Variants in SHISA6 observed in about 807,000 individuals in gnomAD.
SHISA6 encodes shisa family member 6, also known as protein shisa-6.
A neutral mutation model predicts 47.9 loss-of-function variants in SHISA6; 22 were observed. The ratio of observed to expected loss-of-function variants is 0.46; its 90% CI spans 0.33 to 0.66. The LOEUF (loss-of-function observed/expected upper bound fraction) is 0.66, where lower values mean the gene tolerates loss of function less well. Ranked by LOEUF, SHISA6 falls within the 30% of genes least tolerant of loss-of-function variation. SHISA6 has a pLI of 0.02. For missense variants in SHISA6, 680 were observed against 764.6 expected (o/e 0.89, Z 1.30); for synonymous variants, 388 against 337.8 (o/e 1.15, Z -1.63).
At chr17:11,371,865 C>T (rs1912640403) in intron 2 of SHISA6, among the ~76,000 whole-genome samples, 1 of 151,870 alleles carries the variant, frequency 6.6e-6, no homozygotes, top group African/African-American at 2.4e-5. Context: ...AGGCAAATGC[C>T]TCCCTCCCAT....
At chr17:11,537,729 A>C (rs79755420) in intron 3 of SHISA6, among the ~76,000 whole-genome samples, 2,293 of 152,322 alleles carry the variant, frequency 0.015, 66 homozygotes, top group African/African-American at 0.051. Context: ...TCATTTACTT[A>C]TTTATTAATC....
In SHISA6 at chr17:11,460,334, G is replaced by GA. The variant is rs540102690; in HGVS notation, c.895+80833dup. Among the ~76,000 whole-genome samples, 39 of 151,846 alleles carry GA rather than the reference G, an allele frequency of 2.6e-4. 1 individual carries two copies. The highest frequency in any genetic ancestry group is 4.1e-4 in the Non-Finnish European group (28 of 67,906). The stretch of plus-strand genomic sequence containing the variant: ...AAAAATGATAGACCTGAGTCCAGCA[G>GA]AAAAAAAACAACGATACAAATATCT... On this transcript the variant is annotated intron_variant, in intron 3 of 5. Transcript: ENST00000441885.
chr17:11,466,425 G>C (rs1040750695), intron 3 of SHISA6, among the ~76,000 whole-genome samples: 1 of 152,176 alleles, frequency 6.6e-6, no homozygotes, highest in African/African-American at 2.4e-5. Flanking sequence ...AGGTCCCCCA[G>C]TGGGCCCTTG....
At chr17:11,317,627 T>G (rs906543287) in intron 2 of SHISA6, among the ~76,000 whole-genome samples, 1 of 151,950 alleles carries the variant, frequency 6.6e-6, no homozygotes, top group Admixed American at 6.6e-5. Context: ...TTTTTAAACT[T>G]TGTTTTTGTT....
chr17:11,410,866 G>A (rs559177892), intron 3 of SHISA6, among the ~76,000 whole-genome samples: 9 of 152,270 alleles, frequency 5.9e-5, no homozygotes, highest in Admixed American at 2.0e-4. Context: ...TCATCCAGGC[G>A]GCTCTGTTGC....
At chr17:11,316,967 G>A (rs914246786) in intron 2 of SHISA6, among the ~76,000 whole-genome samples, 45 of 152,124 alleles carry the variant, frequency 3.0e-4, no homozygotes, top group Middle Eastern at 3.4e-3. Flanking sequence ...TATGATTTTG[G>A]CTGTTACTCA....
chr17:11,439,903 C>T (rs1915052648), intron 3 of SHISA6, among the ~76,000 whole-genome samples: 1 of 152,040 alleles, frequency 6.6e-6, no homozygotes, highest in African/African-American at 2.4e-5. Flanking sequence ...GAAGAGAGGA[C>T]ATTCACTCTC....
At chr17:11,276,936 A>G (rs1908923354) in intron 2 of SHISA6, among the ~76,000 whole-genome samples, 1 of 152,178 alleles carries the variant, frequency 6.6e-6, no homozygotes, top group Non-Finnish European at 1.5e-5. Flanking sequence ...TAATATCTAA[A>G]GGAGAGTTCA....
At chr17:11,439,641 C>T (rs1513748) in intron 3 of SHISA6, among the ~76,000 whole-genome samples, 118,418 of 152,096 alleles carry the variant, frequency 0.78, 46,640 homozygotes, top group African/African-American at 0.88. Context: ...ATCTACAAGA[C>T]GGAGACATCA....
intron 3 of SHISA6, among the ~76,000 whole-genome samples, chr17:11,465,894 C>T (rs902102879): frequency 6.6e-6 from 1 of 152,206 alleles, no homozygotes; most frequent in Non-Finnish European, 1.5e-5. Context: ...AGAATAGAGA[C>T]TCAGTAGAGA....
In SHISA6 at chr17:11,334,560, A is replaced by G. The variant is rs375284392; in HGVS notation, c.800-44854A>G. Among the ~76,000 whole-genome samples, 79 of 152,302 alleles carry G rather than the reference A, an allele frequency of 5.2e-4. 1 individual carries two copies. In the South Asian group the frequency reaches 0.016, roughly 31 times the overall value. ...AGGAGAGCGCTAGACATGCATGTCC[A>G]GGTTTTAGGTTTGATGCCAAAGCCA... On this transcript the variant is annotated intron_variant, in intron 2 of 5. Coordinates refer to ENST00000441885, the MANE Select transcript of SHISA6 (RefSeq NM_207386.4).
At chr17:11,486,692 C>T (rs1597545465) in intron 3 of SHISA6, among the ~76,000 whole-genome samples, 4 of 152,316 alleles carry the variant, frequency 2.6e-5, no homozygotes. Flanking sequence ...AGTTTTCCGT[C>T]ATCCTTCATC....
chr17:11,256,532 A>G (rs1458148532), intron 1 of SHISA6, among the ~76,000 whole-genome samples: 2 of 152,162 alleles, frequency 1.3e-5, no homozygotes, highest in Non-Finnish European at 2.9e-5. Context: ...AACAATCACA[A>G]GAATCGTAAT....
At chr17:11,307,517 T>C (rs1015689213) in intron 2 of SHISA6, among the ~76,000 whole-genome samples, 2 of 152,338 alleles carry the variant, frequency 1.3e-5, no homozygotes, top group Middle Eastern at 3.4e-3. Flanking sequence ...TGGCTCACAG[T>C]ACTCTTATTC....
At chr17:11,246,138 A>G (rs1199309398) in intron 1 of SHISA6, among the ~76,000 whole-genome samples, 1 of 152,188 alleles carries the variant, frequency 6.6e-6, no homozygotes, top group Non-Finnish European at 1.5e-5. Context: ...ACAAAAAAGC[A>G]TCTTGCCTTG....
chr17:11,504,200 T>C (rs1005989778), intron 3 of SHISA6, among the ~76,000 whole-genome samples: 4 of 152,214 alleles, frequency 2.6e-5, no homozygotes, highest in Non-Finnish European at 5.9e-5. Context: ...GCTGGCTTCA[T>C]GGGCTTTGCA....
intron 5 of SHISA6, among the ~76,000 whole-genome samples, chr17:11,556,774 G>C (rs768831012): frequency 6.6e-6 from 1 of 152,120 alleles, no homozygotes; most frequent in Non-Finnish European, 1.5e-5. Context: ...CAACGACCCC[G>C]CTGCACCAAC....
chr17:11,308,361 G>T (rs1200192272), intron 2 of SHISA6, among the ~76,000 whole-genome samples: 1 of 152,122 alleles, frequency 6.6e-6, no homozygotes, highest in African/African-American at 2.4e-5. Flanking sequence ...ATCTGCCTCT[G>T]CCCAACCCTT....
intron 2 of SHISA6, among the ~76,000 whole-genome samples, chr17:11,331,584 A>T (rs1042442825): frequency 6.6e-6 from 1 of 152,198 alleles, no homozygotes; most frequent in East Asian, 1.9e-4. Flanking sequence ...GATGGCATGC[A>T]TTAAACCAAA....
Sources: allele counts gnomAD v4.1 joint callset (sites outside exome capture counted in the v4.1 genomes callset), GRCh38; gene constraint gnomAD v4.1.1; transcripts MANE v1.5; gene names NCBI Gene and HGNC (gene_info 2026-07-23, HGNC 2026-07-21).